The following CSMD1 variants were observed in gnomAD, a reference collection of about 807,000 sequenced individuals.
CSMD1 encodes CUB and Sushi multiple domains 1.
Under a neutral mutation model 417.5 loss-of-function variants are expected in CSMD1, and 213 were observed. The ratio of observed to expected loss-of-function variants is 0.51; its 90% CI spans 0.46 to 0.57. The LOEUF (loss-of-function observed/expected upper bound fraction) is 0.57. CSMD1 is among the 20% of genes least tolerant of loss of function. The pLI, the probability that CSMD1 is intolerant of heterozygous loss-of-function variation, is 0.00. For missense variants in CSMD1, 6,923 were observed against 4,529.7 expected, an observed-to-expected ratio of 1.53 and a Z score of -15.17; for synonymous variants, 2,862 against 1,736.8, an observed-to-expected ratio of 1.65 and a Z score of -16.11.
intron 3 of CSMD1, among the ~76,000 whole-genome samples, chr8:4,349,683 C>A (rs1356468986): frequency 6.6e-6 from 1 of 152,078 alleles, no homozygotes; most frequent in Non-Finnish European, 1.5e-5. Flanking sequence ...GAAATGTGGC[C>A]AATTTCTATC....
At chr8:4,316,000 T>G (rs1459508260) in intron 3 of CSMD1, among the ~76,000 whole-genome samples, 1 of 152,186 alleles carries the variant, frequency 6.6e-6, no homozygotes, top group African/African-American at 2.4e-5. Flanking sequence ...TCTTTTTTCT[T>G]TCCTTTAAAT....
intron 1 of CSMD1, among the ~76,000 whole-genome samples, chr8:4,930,041 G>C (rs79927323): frequency 1.3e-5 from 2 of 152,112 alleles, no homozygotes; most frequent in Non-Finnish European, 1.5e-5. Flanking sequence ...AGGGGTGCAC[G>C]GTGCAGAAGC....
chr8:4,294,856 A>T (rs1050606910), intron 3 of CSMD1, among the ~76,000 whole-genome samples: 1 of 151,926 alleles, frequency 6.6e-6, no homozygotes, highest in African/African-American at 2.4e-5. Context: ...ATAATTCCAG[A>T]AAACTTTGTC....
intron 3 of CSMD1, among the ~76,000 whole-genome samples, chr8:4,413,585 G>A (rs897687264): frequency 2.0e-5 from 3 of 151,778 alleles, no homozygotes; most frequent in African/African-American, 4.8e-5. Context: ...TAGCAAGAAC[G>A]CTTATTATGA....
rs189461859 is a variant in CSMD1, at chr8:3,948,544, G to C, written c.818+49359C>G. On this transcript the variant is annotated intron_variant, in intron 5 of 69. Coordinates refer to ENST00000635120, the MANE Select transcript of CSMD1 (RefSeq NM_033225.6). ...TCTTTATTTTATATATATTATATTT[G>C]GTTGCTGGACAAAGATCTTGACTGT... is the stretch of plus-strand genomic sequence containing the variant. Among the ~76,000 whole-genome samples the C allele has an allele frequency of 2.3e-3, 353 of 151,950 alleles. 2 individuals are homozygous for C. The highest frequency in any genetic ancestry group is 8.0e-3 in the African/African-American group (331 of 41,450).
intron 1 of CSMD1, among the ~76,000 whole-genome samples, chr8:4,853,148 C>T (rs1303338372): frequency 6.6e-6 from 1 of 152,184 alleles, no homozygotes; most frequent in African/African-American, 2.4e-5. Context: ...ATGGAGCAAA[C>T]ACTTTCTAGA....
chr8:3,324,903 G>A (rs1334609873), intron 23 of CSMD1, among the ~76,000 whole-genome samples: 1 of 151,880 alleles, frequency 6.6e-6, no homozygotes, highest in African/African-American at 2.4e-5. Flanking sequence ...CCTCGGTCTA[G>A]TTGCCTGGCA....
At chr8:4,083,582 A>C (rs1036501690) in intron 3 of CSMD1, among the ~76,000 whole-genome samples, 3 of 152,172 alleles carry the variant, frequency 2.0e-5, no homozygotes, top group African/African-American at 7.2e-5. Context: ...CAAAAAGAAG[A>C]AATGGGGAAA....
intron 7 of CSMD1, among the ~76,000 whole-genome samples, chr8:3,629,753 A>T (rs1190228063): frequency 6.6e-6 from 1 of 152,182 alleles, no homozygotes; most frequent in Non-Finnish European, 1.5e-5. Context: ...AAAGAAACAC[A>T]CACCTTTCAT....
intron 3 of CSMD1, among the ~76,000 whole-genome samples, chr8:4,244,458 G>T (rs988286800): frequency 3.9e-5 from 6 of 152,112 alleles, no homozygotes; most frequent in African/African-American, 1.4e-4. Flanking sequence ...TTTTTAAAAA[G>T]CCAAAGTTAT....
chr8:3,240,462 T>C (rs141789894), intron 26 of CSMD1, among the ~76,000 whole-genome samples: 2,943 of 151,474 alleles, frequency 0.019, 92 homozygotes, highest in African/African-American at 0.067. Context: ...GTTTGAGAGA[T>C]CAGCTGAACA....
chr8:3,293,812 C>A (rs1027267867), intron 25 of CSMD1, among the ~76,000 whole-genome samples: 1 of 152,320 alleles, frequency 6.6e-6, no homozygotes, highest in Non-Finnish European at 1.5e-5. Context: ...TCATCTGAAG[C>A]CTTCTTCTCT....
intron 10 of CSMD1, among the ~76,000 whole-genome samples, chr8:3,563,330 G>C (rs73505771): frequency 0.031 from 4,732 of 150,506 alleles, 258 homozygotes; most frequent in African/African-American, 0.11. Context: ...AAAAGGTTTT[G>C]CTTTGTTGTT....
chr8:4,651,750 C>A (rs958423919), intron 1 of CSMD1, among the ~76,000 whole-genome samples: 1 of 152,140 alleles, frequency 6.6e-6, no homozygotes, highest in African/African-American at 2.4e-5. Context: ...AACACACATA[C>A]CTACTCCCCA....
intron 15 of CSMD1, among the ~76,000 whole-genome samples, chr8:3,401,109 C>G (rs537696855): frequency 4.3e-4 from 66 of 151,830 alleles, no homozygotes; most frequent in African/African-American, 1.5e-3. Context: ...ATGAATACAA[C>G]ATAAGCAAAA....
At chr8:4,949,482 T>C (rs577245804) in intron 1 of CSMD1, among the ~76,000 whole-genome samples, 2 of 152,200 alleles carry the variant, frequency 1.3e-5, no homozygotes, top group African/African-American at 4.8e-5. Context: ...TCTAATTTAG[T>C]AGTTCTCAAC....
At chr8:3,952,846 T>C (rs1811681009) in intron 5 of CSMD1, among the ~76,000 whole-genome samples, 8 of 152,194 alleles carry the variant, frequency 5.3e-5, no homozygotes. Context: ...TTATTTTGAA[T>C]GCAGTGAAAA....
intron 3 of CSMD1, among the ~76,000 whole-genome samples, chr8:4,126,111 A>AC (rs1411909099): frequency 6.6e-6 from 1 of 151,370 alleles, no homozygotes; most frequent in Non-Finnish European, 1.5e-5. Flanking sequence ...ACTCACTTTG[A>AC]CCCCCTGTGA....
chr8:4,449,146 C>A (rs984382016), intron 2 of CSMD1, among the ~76,000 whole-genome samples: 2 of 152,160 alleles, frequency 1.3e-5, no homozygotes, highest in African/African-American at 4.8e-5. Context: ...CCAGACTTTG[C>A]AAATATTTAG....
Sources: allele counts gnomAD v4.1 joint callset (sites outside exome capture counted in the v4.1 genomes callset), GRCh38; gene constraint gnomAD v4.1.1; transcripts MANE v1.5; gene names NCBI Gene and HGNC (gene_info 2026-07-23, HGNC 2026-07-21).